USP54: variants seen among roughly 807,000 people sequenced by gnomAD.
USP54 encodes the protein ubiquitin specific peptidase 54.
A neutral mutation model predicts 170.5 loss-of-function variants in USP54; 87 were observed. The observed-to-expected ratio is 0.51, with a 90% CI of 0.43 to 0.61. USP54 has a LOEUF of 0.61. USP54 is among the 20% of genes least tolerant of loss of function. The pLI is 0.00. For synonymous variants in USP54, 655 were observed against 742.8 expected (o/e 0.88, Z 1.92); for missense variants, 1,786 against 2,047.8 (o/e 0.87, Z 2.47).
Position 73,600,316 on chromosome 10 carries a change from AG to A in USP54, c.-17-24642del, listed in dbSNP as rs1398056400. 2.0e-5 allele frequency among the ~76,000 whole-genome samples: 3 copies of A among 152,160 alleles called. No individual in the cohort carries two copies. In the East Asian group the frequency reaches 5.8e-4, roughly 29 times the overall value. On this transcript the variant is annotated intron_variant, in intron 1 of 22. Transcript: ENST00000339859. ...ATTAGCGGTTGACAGGAGTTAAGAA[AG>A]GTGTAGGGGTGGAAGGGAAGTGGGG...
intron 9 of USP54, among the ~76,000 whole-genome samples, chr10:73,540,878 A>C (rs1048416118): frequency 2.0e-5 from 3 of 152,190 alleles, no homozygotes; most frequent in Non-Finnish European, 2.9e-5. Context: ...ACAATAACAA[A>C]GGTTTTCTTT....
chr10:73,593,391 A>T (rs1310916978), upstream of USP54, among the ~76,000 whole-genome samples: 2 of 151,656 alleles, frequency 1.3e-5, no homozygotes, highest in East Asian at 3.9e-4. Flanking sequence ...AAAAAAAAAA[A>T]AAAGGAAAAA....
At chr10:73,596,484 G>A (rs1474658770) in intron 1 of USP54, among the ~76,000 whole-genome samples, 1 of 151,442 alleles carries the variant, frequency 6.6e-6, no homozygotes, top group African/African-American at 2.4e-5. Context: ...GTGTGAACCC[G>A]AGAGGCGGAG....
rs755810924 is a variant in USP54 at position 73,530,138 on chromosome 10, C to G, written c.1828+5G>C. 5.6e-6 allele frequency: 9 copies of G among 1,598,844 alleles called. No homozygotes were observed. Among genetic ancestry groups the G allele is most frequent in the East Asian group, 4.5e-5 (2 of 44,764 alleles). ...AGCCCAATTCTTCCCTAATTATCTCCTCACCTGAATCCTCAGAAAAGGGGC... is the reference window on the plus strand; with the variant it reads ...AGCCCAATTCTTCCCTAATTATCTCGTCACCTGAATCCTCAGAAAAGGGGC... On this transcript the variant is annotated splice_donor_5th_base_variant and intron_variant, in intron 14 of 23. Coordinates refer to ENST00000687698, the MANE Select transcript of USP54 (RefSeq NM_001391956.1).
chr10:73,615,766 C>CA (rs2132333378), intron 1 of USP54, among the ~76,000 whole-genome samples: 1 of 148,960 alleles, frequency 6.7e-6, no homozygotes, highest in African/African-American at 2.6e-5. Context: ...ATAAAAAATA[C>CA]AAAAATTAGC....
rs1047528172 is a variant in USP54, at chr10:73,579,053, T to C, written c.-581-2692A>G. Among the ~76,000 whole-genome samples, 6 of 151,126 alleles carry C rather than the reference T, an allele frequency of 4.0e-5. No homozygotes were observed. In the East Asian group the frequency reaches 5.9e-4, roughly 15 times the overall value. On this transcript the variant is annotated intron_variant, in intron 1 of 23. Transcript: ENST00000687698. ...CCTCCCCGGTTCAAGTGATTCTCCTTCCTCAGCCCCATCACCCTCACCCCC... is the reference window on the plus strand; with the variant it reads ...CCTCCCCGGTTCAAGTGATTCTCCTCCCTCAGCCCCATCACCCTCACCCCC...
intron 1 of USP54, among the ~76,000 whole-genome samples, chr10:73,582,751 A>G (rs2077041156): frequency 6.6e-6 from 1 of 152,232 alleles, no homozygotes; most frequent in Admixed American, 6.5e-5. Flanking sequence ...AAAGTTCAAT[A>G]AAGTCTTTAA....
At chr10:73,601,700 T>C (rs994848295) in intron 1 of USP54, among the ~76,000 whole-genome samples, 1 of 152,110 alleles carries the variant, frequency 6.6e-6, no homozygotes, top group African/African-American at 2.4e-5. Flanking sequence ...AAGCAGATCT[T>C]TGTATGTTTA....
intron 4 of USP54, among the ~76,000 whole-genome samples, chr10:73,563,265 T>C (rs1397845081): frequency 6.6e-6 from 1 of 151,886 alleles, no homozygotes; most frequent in African/African-American, 2.4e-5. Flanking sequence ...GTAACAATTT[T>C]ATCAGATTTT....
rs764676659 is a variant in USP54, at chr10:73,536,271, G to C, written c.1142C>G (p.Ser381Ter). ...YSRTCYDSED[S>*]GREPSISSDT... ...AGGTAAAGAGCCTGGCTGCTCACCT[G>C]AATCTTCACTGTCGTAGCATGTCCT... The change falls in exon 11 of 24, where the codon TCA becomes TGA. Residue 381 changes from serine to a stop codon, truncating the protein, a stop_gained and splice_region_variant. Coordinates refer to ENST00000687698, the MANE Select transcript of USP54 (RefSeq NM_001391956.1). LOFTEE classifies it high-confidence loss of function. The C allele has an allele frequency of 1.2e-6, 2 of 1,613,960 alleles. No individual in the cohort carries two copies. Among genetic ancestry groups the C allele is most frequent in the Non-Finnish European group, 1.7e-6 (2 of 1,179,948 alleles).
chr10:73,518,897 T>C (rs950946563), intron 19 of USP54: 2 of 152,060 alleles, frequency 1.3e-5, no homozygotes, highest in African/African-American at 2.4e-5. Context: ...AAATTTTTTG[T>C]GTTTTTTGTA....
rs974822946 is a variant in USP54 at position 73,545,457 on chromosome 10, C to T, written c.375+81G>A. 4 of 1,550,062 alleles carry T rather than the reference C, an allele frequency of 2.6e-6. No homozygotes were observed. The African/African-American group carries it at 5.5e-5, about 21-fold the overall frequency. On this transcript the variant is annotated intron_variant, in intron 5 of 23. Coordinates refer to ENST00000687698, the MANE Select transcript of USP54 (RefSeq NM_001391956.1). ...TGTAGAGATAAGGGCACAGCAAATT[C>T]CACCATAAAGTAGCCAGTCCCTGAT...
Position 73,504,894 on chromosome 10 carries a change from C to T in USP54, c.4267G>A (p.Val1423Ile), listed in dbSNP as rs139288319. Residue 1423 changes from valine (V) to isoleucine (I), a missense_variant, in exon 22 of 24, where the codon GTT becomes ATT. Val to Ile is a conservative substitution (Grantham distance 29). Coordinates refer to ENST00000687698, the MANE Select transcript of USP54 (RefSeq NM_001391956.1). Reference protein sequence around the residue: ...RRISRSLSGTVVSEREEAPVS... With the variant: ...RRISRSLSGTIVSEREEAPVS... ...GGAGCTTCCTCCCTCTCTGAGACAA[C>T]GGTGCCACTGAGACTGCGTGAGATG... is the stretch of plus-strand genomic sequence containing the variant. The T allele has an allele frequency of 5.0e-4, 800 of 1,614,162 alleles. No individual in the cohort carries two copies. The highest frequency in any genetic ancestry group is 5.8e-4 in the Non-Finnish European group (685 of 1,180,028).
chr10:73,546,782 G>A (rs2067943647), intron 4 of USP54: 1 of 151,810 alleles, frequency 6.6e-6, no homozygotes, highest in Non-Finnish European at 1.5e-5. Context: ...ATTTTTATCG[G>A]GTCACTAACC....
Position 73,499,038 on chromosome 10 carries a change from T to G in USP54, c.4646A>C (p.Asn1549Thr). The change falls in exon 24 of 24, where the codon AAC becomes ACC. Residue 1549 changes from asparagine (N) to threonine (T), a missense_variant. This residue lies in a region of USP54 where 1,418 missense variants were observed against 1,569.0 expected (regional missense o/e 0.90). Coordinates refer to ENST00000687698, the MANE Select transcript of USP54 (RefSeq NM_001391956.1). ...DNSWAPWSET[N>T]QHIGTRFLTT... is the part of the protein sequence containing the mutation. ...CAGGAATCTGGTCCCAATATGCTGG[T>G]TGGTCTCTGACCAGGGTGCCCAGGA... is the stretch of plus-strand genomic sequence containing the variant. The G allele has an allele frequency of 6.2e-7, 1 of 1,614,186 alleles. No individual in the cohort carries two copies. The highest frequency in any genetic ancestry group is 8.5e-7 in the Non-Finnish European group (1 of 1,180,030).
intron 4 of USP54, among the ~76,000 whole-genome samples, chr10:73,558,102 G>C (rs368148967): frequency 6.6e-6 from 1 of 151,810 alleles, no homozygotes; most frequent in African/African-American, 2.4e-5. Context: ...GGATGGTCTC[G>C]ATCTCTTGAC....
chr10:73,581,907 T>C (rs1223725334), intron 1 of USP54, among the ~76,000 whole-genome samples: 1 of 152,210 alleles, frequency 6.6e-6, no homozygotes, highest in Non-Finnish European at 1.5e-5. Flanking sequence ...GACATACCTC[T>C]AGAAGCTGGT....
intron 1 of USP54, among the ~76,000 whole-genome samples, chr10:73,578,730 C>G (rs1206683047): frequency 1.3e-5 from 2 of 152,026 alleles, no homozygotes; most frequent in Non-Finnish European, 2.9e-5. Context: ...ATGAAAGTAC[C>G]AAGGCCATTT....
chr10:73,580,563 AT>A (rs200881926), intron 1 of USP54, among the ~76,000 whole-genome samples: 5,335 of 151,692 alleles, frequency 0.035, 151 homozygotes, highest in South Asian at 0.11. Flanking sequence ...ACAATTGCTT[AT>A]TTTATTTATT....
Sources: gnomAD v4.1 joint callset for allele counts (sites outside exome capture counted in the v4.1 genomes callset) on GRCh38, gnomAD v4.1.1 for gene constraint, gnomAD v4.1.1 regional missense constraint, MANE v1.5 for transcripts, NCBI Gene and HGNC (gene_info 2026-07-23, HGNC 2026-07-21) for gene names.